DSCAM: variants seen among roughly 807,000 people sequenced by gnomAD.
DSCAM encodes the protein cell adhesion molecule DSCAM.
Under a neutral mutation model 217.7 loss-of-function variants are expected in DSCAM, and 47 were observed. The ratio of observed to expected loss-of-function variants is 0.22; its 90% CI spans 0.17 to 0.28. The LOEUF is 0.28. DSCAM is among the 10% of genes least tolerant of loss of function. The probability of loss-of-function intolerance (pLI) is 1.00; values close to 1 mark genes in which losing one functional copy is unlikely to be tolerated. For missense variants in DSCAM, 2,080 were observed against 2,618.3 expected (o/e 0.79, Z 4.49); for synonymous variants, 1,056 against 1,015.3 (o/e 1.04, Z -0.76).
chr21:40,773,678 G>A (rs2091465087), intron 1 of DSCAM, among the ~76,000 whole-genome samples: 1 of 152,200 alleles, frequency 6.6e-6, no homozygotes, highest in African/African-American at 2.4e-5. Flanking sequence ...AGAAAGCACA[G>A]GCCCCTGATT....
At chr21:40,634,515 C>T (rs9974899) in intron 3 of DSCAM, among the ~76,000 whole-genome samples, 39,770 of 152,132 alleles carry the variant, frequency 0.26, 5,285 homozygotes, top group East Asian at 0.42. Context: ...CTTCACATTT[C>T]TATGGGGACC....
intron 3 of DSCAM, among the ~76,000 whole-genome samples, chr21:40,532,493 G>A (rs2076455052): frequency 6.6e-6 from 1 of 152,088 alleles, no homozygotes; most frequent in African/African-American, 2.4e-5. Context: ...TATGTGCAGC[G>A]GTAATGAAAG....
At chr21:40,210,745 A>T (rs555365148) in intron 11 of DSCAM, among the ~76,000 whole-genome samples, 2 of 152,248 alleles carry the variant, frequency 1.3e-5, no homozygotes, top group East Asian at 3.9e-4. Context: ...GGGTTCCACC[A>T]TGTTGGCCAG....
intron 29 of DSCAM, among the ~76,000 whole-genome samples, chr21:40,055,268 G>A (rs2088995964): frequency 6.6e-6 from 1 of 152,212 alleles, no homozygotes; most frequent in Non-Finnish European, 1.5e-5. Flanking sequence ...ACATGTGTTT[G>A]TTTAAGTGTT....
intron 29 of DSCAM, 109 bp from the exon 30 acceptor site, chr21:40,052,216 A>G (rs1047873082): frequency 8.3e-6 from 10 of 1,201,484 alleles, no homozygotes; most frequent in Non-Finnish European, 1.2e-5. Context: ...GACAACCACA[A>G]TAATAGCCCC....
intron 9 of DSCAM, among the ~76,000 whole-genome samples, chr21:40,305,707 C>T (rs1403457664): frequency 4.0e-5 from 6 of 148,532 alleles, no homozygotes; most frequent in Admixed American, 4.0e-4. Flanking sequence ...GAATCCTTTC[C>T]CCATTGCTTG....
At chr21:40,603,881 G>A (rs2077081348) in intron 3 of DSCAM, among the ~76,000 whole-genome samples, 1 of 143,198 alleles carries the variant, frequency 7.0e-6, no homozygotes, top group African/African-American at 2.6e-5. Flanking sequence ...TTAGATTTCT[G>A]CAGTTTGGAT....
chr21:40,508,726 A>C (rs2076228366), intron 3 of DSCAM, among the ~76,000 whole-genome samples: 20 of 110,782 alleles, frequency 1.8e-4, no homozygotes, highest in South Asian at 3.4e-4. Flanking sequence ...AAACCACCAC[A>C]CCCGGCAAAT....
intron 1 of DSCAM, among the ~76,000 whole-genome samples, chr21:40,808,818 A>T (rs2091811890): frequency 6.6e-6 from 1 of 152,108 alleles, no homozygotes; most frequent in African/African-American, 2.4e-5. Context: ...TTACACATGG[A>T]CCTGCTATTC....
intron 11 of DSCAM, among the ~76,000 whole-genome samples, chr21:40,265,645 G>A (rs2073516322): frequency 2.0e-5 from 3 of 152,140 alleles, no homozygotes; most frequent in Admixed American, 2.0e-4. Context: ...AAAAGTAGAT[G>A]CATAGACAAA....
At chr21:40,727,729 G>C (rs2090971169) in intron 1 of DSCAM, among the ~76,000 whole-genome samples, 2 of 152,118 alleles carry the variant, frequency 1.3e-5, no homozygotes, top group South Asian at 2.1e-4. Flanking sequence ...CCATCAGTGA[G>C]AGTGATCCAG....
At chr21:40,671,021 A>G (rs1192084094) in intron 3 of DSCAM, among the ~76,000 whole-genome samples, 1 of 152,234 alleles carries the variant, frequency 6.6e-6, no homozygotes, top group Non-Finnish European at 1.5e-5. Flanking sequence ...GGCAGGACCT[A>G]AAAAGAACTT....
intron 18 of DSCAM, among the ~76,000 whole-genome samples, chr21:40,138,351 T>A (rs1046691797): frequency 3.3e-5 from 5 of 149,614 alleles, no homozygotes; most frequent in African/African-American, 1.2e-4. Context: ...AGGTATATGT[T>A]GTGAGTAGCA....
At chr21:40,591,409 A>T (rs978862004) in intron 3 of DSCAM, among the ~76,000 whole-genome samples, 1 of 152,184 alleles carries the variant, frequency 6.6e-6, no homozygotes, top group African/African-American at 2.4e-5. Context: ...CTGTTACCTA[A>T]ACACGCAATA....
chr21:40,189,754 T>C (rs2090935448), intron 11 of DSCAM, among the ~76,000 whole-genome samples: 1 of 152,174 alleles, frequency 6.6e-6, no homozygotes, highest in Non-Finnish European at 1.5e-5. Context: ...GCCAACCATG[T>C]AGGATGTGAC....
chr21:40,330,200 A>C (rs1454160634), intron 8 of DSCAM, among the ~76,000 whole-genome samples: 1 of 149,742 alleles, frequency 6.7e-6, no homozygotes, highest in East Asian at 1.9e-4. Context: ...ATGTATATAC[A>C]TTTAAAATCA....
chr21:40,294,985 C>T (rs989594228), intron 10 of DSCAM, among the ~76,000 whole-genome samples: 3 of 152,142 alleles, frequency 2.0e-5, no homozygotes, highest in Non-Finnish European at 2.9e-5. Context: ...CTTTACCTTC[C>T]TTCTCAAAAG....
At chr21:40,085,521 T>G in intron 23 of DSCAM, 81 bp downstream of exon 23, 1 of 1,268,998 alleles carries the variant, frequency 7.9e-7, no homozygotes, top group South Asian at 2.7e-5. Context: ...GGGCTGATTT[T>G]AAAATTTGTT....
rs199512904 is a variant in DSCAM at position 40,042,603 on chromosome 21, G to A, written c.5454C>T (p.Tyr1818=). 2.4e-4 allele frequency: 389 copies of A among 1,614,084 alleles called. No homozygotes were observed. The highest frequency in any genetic ancestry group is 4.3e-4 in the South Asian group (39 of 91,082). ...GTTGCTCTTCCATCTTGGCGTGTTCGTAGGCCCTGGCCAGTTCTTCGTAAG... is the reference window on the plus strand; with the variant it reads ...GTTGCTCTTCCATCTTGGCGTGTTCATAGGCCCTGGCCAGTTCTTCGTAAG... ...SSTYEELARA[Y]EHAKMEEQLR... Residue 1818 remains tyrosine, a synonymous_variant, in exon 32 of 33, where the codon TAC becomes TAT. Coordinates refer to ENST00000400454, the MANE Select transcript of DSCAM (RefSeq NM_001389.5).
Sources: gnomAD v4.1 joint callset for allele counts (sites outside exome capture counted in the v4.1 genomes callset) on GRCh38, gnomAD v4.1.1 for gene constraint, MANE v1.5 for transcripts, NCBI Gene and HGNC (gene_info 2026-07-23, HGNC 2026-07-21) for gene names.